The following SFI1 variants were observed in gnomAD, a reference collection of about 807,000 sequenced individuals.
SFI1 encodes the protein protein SFI1 homolog.
Under a neutral mutation model 207.5 loss-of-function variants are expected in SFI1, and 195 were observed. The observed-to-expected ratio is 0.94, with a 90% CI of 0.84 to 1.06. SFI1 has a LOEUF of 1.06. Among genes scored for constraint, SFI1 ranks in the 50% least tolerant of loss-of-function variants. The pLI is 0.00. For missense variants in SFI1, 1,634 were observed against 1,588.0 expected (o/e 1.03, Z -0.49); for synonymous variants, 630 against 598.9 (o/e 1.05, Z -0.76).
intron 2 of SFI1, among the ~76,000 whole-genome samples, chr22:31,516,230 A>G (rs962003485): frequency 2.0e-5 from 3 of 151,982 alleles, no homozygotes; most frequent in African/African-American, 7.3e-5. Flanking sequence ...TTTAAATTTT[A>G]AGCCGGGTGC....
chr22:31,500,210 G>A (rs1227658102), intron 1 of SFI1, among the ~76,000 whole-genome samples: 1 of 150,054 alleles, frequency 6.7e-6, no homozygotes, highest in Non-Finnish European at 1.5e-5. Flanking sequence ...CACTATTTGG[G>A]AGGCTGAGGC....
At chr22:31,546,718 C>T (rs1175907590) in intron 4 of SFI1, 143 bp from the exon 5 acceptor site, 1 of 345,338 alleles carries the variant, frequency 2.9e-6, no homozygotes. Context: ...CCACCCGCCT[C>T]AGCCTCCCAA....
At chr22:31,604,725 T>G in intron 19 of SFI1, 144 bp from the exon 20 acceptor site, 1 of 686,762 alleles carries the variant, frequency 1.5e-6, no homozygotes, top group South Asian at 2.0e-5. Context: ...CTGCTGGCCC[T>G]GGGACCAGGG....
chr22:31,602,358 G>A (rs1360991062), intron 16 of SFI1, 65 bp downstream of exon 16: 9 of 1,487,772 alleles, frequency 6.0e-6, no homozygotes, highest in East Asian at 4.5e-5. Context: ...TTGCACTCAC[G>A]GCCTCCCCTC....
At chr22:31,549,288 TAA>T (rs59382278) in intron 5 of SFI1, among the ~76,000 whole-genome samples, 8 of 37,216 alleles carry the variant, frequency 2.1e-4, no homozygotes, top group African/African-American at 6.2e-4. Context: ...AGACCCTGTG[TAA>T]AAAAAAAAAA....
intron 27 of SFI1, 70 bp downstream of exon 27, chr22:31,613,925 G>GA: frequency 6.7e-7 from 1 of 1,499,816 alleles, no homozygotes; most frequent in Non-Finnish European, 8.9e-7. Flanking sequence ...TAGCAGGGAG[G>GA]AAAACAGCCC....
intron 9 of SFI1, 66 bp downstream of exon 9, chr22:31,573,280 G>A (rs1333754249): frequency 2.6e-6 from 4 of 1,566,352 alleles, no homozygotes; most frequent in Admixed American, 1.8e-5. Flanking sequence ...CCTGCTGCCA[G>A]TGGTACTGTA....
rs201900042 is a variant in SFI1, at chr22:31,575,302, C to T, written c.994C>T (p.Arg332Trp). 216 of 1,613,152 alleles carry T rather than the reference C, an allele frequency of 1.3e-4. No homozygotes were observed. Among genetic ancestry groups the T allele is most frequent in the Middle Eastern group, 3.3e-4 (2 of 6,032 alleles). The change falls in exon 10 of 33, where the codon CGG (arginine) becomes TGG (tryptophan). Residue 332 changes from arginine (R) to tryptophan (W), a missense_variant. Coordinates refer to ENST00000400288, the MANE Select transcript of SFI1 (RefSeq NM_001007467.3). ...YFCDWQQAWE[R>W]RESLYAHHAQ... ...CTGTGACTGGCAGCAGGCCTGGGAG[C>T]GGAGGGAGAGCTTGTACGCTCACCA...
In SFI1 at chr22:31,613,513, G is replaced by GCCCGGCAGCAGCTGCAGT. The variant is rs1453755097; in HGVS notation, c.2728_2729insGGCAGCAGCTGCAGTCCC (p.Ala909_Gln910insArgGlnGlnLeuGlnSer). 2 of 1,590,844 alleles carry GCCCGGCAGCAGCTGCAGT rather than the reference G, an allele frequency of 1.3e-6. No homozygotes were observed. Among genetic ancestry groups the GCCCGGCAGCAGCTGCAGT allele is most frequent in the African/African-American group, 2.7e-5 (2 of 74,776 alleles). On this transcript the variant is annotated inframe_insertion, in exon 26 of 33. Coordinates refer to ENST00000400288, the MANE Select transcript of SFI1 (RefSeq NM_001007467.3). ...GAAGGCCTCCCGGCAGCAGCTGCAGGCCCAGCAGCAGGTCCAGGTAGGCCC... is the reference window on the plus strand; with the variant it reads ...GAAGGCCTCCCGGCAGCAGCTGCAGGCCCGGCAGCAGCTGCAGTCCCAGCAGCAGGTCCAGGTAGGCCC...
intron 14 of SFI1, chr22:31,587,717 A>C (rs531245387): frequency 6.6e-6 from 1 of 152,508 alleles, no homozygotes; most frequent in Non-Finnish European, 1.5e-5. Flanking sequence ...CAGAATGGCG[A>C]ATGTTTGCTA....
chr22:31,518,107 C>A (rs2056770999), intron 2 of SFI1, among the ~76,000 whole-genome samples: 1 of 152,166 alleles, frequency 6.6e-6, no homozygotes, highest in Admixed American at 6.6e-5. Flanking sequence ...CTGCCTCAGC[C>A]CCCAGAGTAG....
At chr22:31,593,814 C>G (rs1410483913) in intron 15 of SFI1, among the ~76,000 whole-genome samples, 2 of 148,470 alleles carry the variant, frequency 1.3e-5, no homozygotes, top group African/African-American at 5.0e-5. Context: ...GCCAACACAG[C>G]GAAACCCCGT....
At chr22:31,502,126 A>G (rs1166508474) in intron 1 of SFI1, among the ~76,000 whole-genome samples, 1 of 152,216 alleles carries the variant, frequency 6.6e-6, no homozygotes, top group Non-Finnish European at 1.5e-5. Context: ...ATATATGTAT[A>G]GCTCACATTT....
In SFI1 at chr22:31,618,314, G is replaced by A. The variant is rs772097466; in HGVS notation, c.3625G>A (p.Val1209Met). Reference sequence around the variant, plus strand: ...CCTGCCTGTCCCTCCATGGCCCCAGGTGGAAATGCAGATCCAGCTGCTGGC... The same window carrying A: ...CCTGCCTGTCCCTCCATGGCCCCAGATGGAAATGCAGATCCAGCTGCTGGC... Reference protein sequence around the residue: ...EQQVQKELEQVEMQIQLLAEE... With the variant: ...EQQVQKELEQMEMQIQLLAEE... The change falls in exon 33 of 33, where the codon GTG (valine) becomes ATG (methionine). Residue 1209 changes from valine (V) to methionine (M), a missense_variant and splice_region_variant. Transcript: ENST00000400288. The A allele has an allele frequency of 6.2e-7, 1 of 1,608,828 alleles. No individual in the cohort carries two copies.
chr22:31,603,191 C>T lies in SFI1; in HGVS notation c.1805+406C>T, dbSNP rs369480377. 6.6e-5 allele frequency among the ~76,000 whole-genome samples: 10 copies of T among 152,306 alleles called. No individual in the cohort carries two copies. In the East Asian group the frequency reaches 1.3e-3, roughly 21 times the overall value. On this transcript the variant is annotated intron_variant, in intron 17 of 32. Transcript: ENST00000400288. ...AAGGTTGCAGTGAACCGAGATGGCA[C>T]CGCTACACTCCAGCCTGTGCAACAG...
chr22:31,617,101 C>A, intron 31 of SFI1, 23 bp downstream of exon 31: 2 of 1,610,942 alleles, frequency 1.2e-6, no homozygotes, highest in African/African-American at 1.3e-5. Flanking sequence ...AAACGCCCTG[C>A]AGCCCTGGCT....
At chr22:31,579,441 G>A (rs926245385) in intron 11 of SFI1, among the ~76,000 whole-genome samples, 6 of 151,596 alleles carry the variant, frequency 4.0e-5, no homozygotes, top group African/African-American at 1.2e-4. Context: ...TCAGCCTCCC[G>A]AGTAGCTGGG....
Position 31,615,189 on chromosome 22 carries a change from G to C in SFI1, c.3210G>C (p.Pro1070=), listed in dbSNP as rs775149641. ...LPGALSSAPG[P]KQPPTASTGP... ...GGGCCCTGTCAAGCGCCCCTGGCCCGAAGCAGCCCCCGACGGCAAGCACAG... is the reference window on the plus strand; with the variant it reads ...GGGCCCTGTCAAGCGCCCCTGGCCCCAAGCAGCCCCCGACGGCAAGCACAG... Residue 1070 remains proline, a synonymous_variant, in exon 29 of 33, where the codon CCG becomes CCC. Transcript: ENST00000400288. 1.3e-6 allele frequency: 2 copies of C among 1,591,766 alleles called. No homozygotes were observed. The highest frequency in any genetic ancestry group is 2.2e-5 in the East Asian group (1 of 44,668).
chr22:31,516,646 C>T (rs2056551115), intron 2 of SFI1, among the ~76,000 whole-genome samples: 1 of 152,000 alleles, frequency 6.6e-6, no homozygotes, highest in Admixed American at 6.6e-5. Context: ...TGGCGAAACC[C>T]CATCTCTACT....
Sources: gnomAD v4.1 joint callset for allele counts (sites outside exome capture counted in the v4.1 genomes callset) on GRCh38, gnomAD v4.1.1 for gene constraint, MANE v1.5 for transcripts, NCBI Gene and HGNC (gene_info 2026-07-23, HGNC 2026-07-21) for gene names.